The following IFT57 variants were observed in gnomAD, a reference collection of about 807,000 sequenced individuals.
IFT57 encodes the protein intraflagellar transport 57.
Under a neutral mutation model 56.8 loss-of-function variants are expected in IFT57, and 59 were observed. The ratio of observed to expected loss-of-function variants is 1.04; its 90% CI spans 0.84 to 1.29. IFT57 has a LOEUF of 1.29. Ranked by LOEUF, IFT57 falls within the 50% of genes most tolerant of loss-of-function variation. The pLI is 0.00. For synonymous variants in IFT57, 209 were observed against 186.1 expected, an observed-to-expected ratio of 1.12 and a Z score of -1.00; for missense variants, 470 against 522.1, an observed-to-expected ratio of 0.90 and a Z score of 0.97.
intron 6 of IFT57, among the ~76,000 whole-genome samples, chr3:108,171,474 A>T (rs962794045): frequency 7.2e-5 from 11 of 151,900 alleles, no homozygotes; most frequent in African/African-American, 2.7e-4. Flanking sequence ...TTCATGAGCA[A>T]AAAGTATCGC....
chr3:108,164,302 C>A (rs1179738974), intron 9 of IFT57, among the ~76,000 whole-genome samples: 2 of 152,034 alleles, frequency 1.3e-5, no homozygotes, highest in East Asian at 3.9e-4. Flanking sequence ...TTGTTCCTAT[C>A]TGCACTCTAT....
At chr3:108,210,286 C>A (rs2080336504) in intron 4 of IFT57, among the ~76,000 whole-genome samples, 1 of 148,314 alleles carries the variant, frequency 6.7e-6, no homozygotes, top group African/African-American at 2.5e-5. Flanking sequence ...TTAAAAGTTT[C>A]TAGTTTCTAG....
At chr3:108,206,414 T>C (rs532163782) in intron 5 of IFT57, among the ~76,000 whole-genome samples, 1 of 152,098 alleles carries the variant, frequency 6.6e-6, no homozygotes, top group Admixed American at 6.5e-5. Flanking sequence ...ATGTCAATTT[T>C]CCATAATACA....
At chr3:108,165,370 GT>G in intron 9 of IFT57, 60 bp downstream of exon 9, 1 of 1,347,546 alleles carries the variant, frequency 7.4e-7, no homozygotes, top group South Asian at 1.2e-5. Context: ...CCATTTGTAG[GT>G]TCTCAATGGC....
intron 5 of IFT57, among the ~76,000 whole-genome samples, chr3:108,198,926 T>C (rs2080261292): frequency 1.3e-5 from 2 of 152,254 alleles, no homozygotes; most frequent in Admixed American, 6.5e-5. Flanking sequence ...TATACTAACA[T>C]TACCACATAT....
chr3:108,206,749 T>C (rs2080316374), intron 4 of IFT57, 53 bp from the exon 5 acceptor site: 3 of 551,948 alleles, frequency 5.4e-6, no homozygotes, highest in Non-Finnish European at 2.7e-6. Context: ...AAAAAATATA[T>C]TTCCAGTTTC....
At chr3:108,221,966 G>A in intron 1 of IFT57, 145 bp downstream of exon 1, 1 of 1,445,848 alleles carries the variant, frequency 6.9e-7, no homozygotes, top group South Asian at 1.4e-5. Context: ...CCGGGAGTTT[G>A]GGGTGAAGTG....
Position 108,222,097 on chromosome 3 carries a change from A to G in IFT57, c.212+14T>C. On this transcript the variant is annotated intron_variant, in intron 1 of 10. Transcript: ENST00000264538. ...CTAGCAGGCACCCGGGCGCTCGGGG[A>G]CGCCGGCACCCACCTGGACGGGGCC... is the stretch of plus-strand genomic sequence containing the variant. 6.3e-7 allele frequency: 1 copy of G among 1,579,170 alleles called. No homozygotes were observed. Among genetic ancestry groups the G allele is most frequent in the Non-Finnish European group, 8.6e-7 (1 of 1,163,890 alleles).
rs2080412129 is a variant in IFT57 at position 108,222,405 on chromosome 3, G to C, written c.-83C>G. ...CGCCAGCCCTGCCGCCGCCAGTACA[G>C]CCACGACCGGTTACCAGGCGACCAC... On this transcript the variant is annotated 5_prime_UTR_variant, in exon 1 of 11. Coordinates refer to ENST00000264538, the MANE Select transcript of IFT57 (RefSeq NM_018010.4). The C allele has an allele frequency of 8.1e-7, 1 of 1,230,344 alleles. No individual in the cohort carries two copies. 76.2% of individuals were successfully genotyped at this position (1,230,344 alleles called of 1,614,324 possible). A position where few individuals can be genotyped will look rare whatever the true frequency, so the allele number is the denominator to read the frequency against.
At chr3:108,178,849 C>T (rs2080137602) in intron 6 of IFT57, among the ~76,000 whole-genome samples, 2 of 151,972 alleles carry the variant, frequency 1.3e-5, no homozygotes, top group South Asian at 2.1e-4. Flanking sequence ...TACAGCTGAT[C>T]ACATACTTAC....
chr3:108,165,497 A>G lies in IFT57; in HGVS notation c.982-4T>C. 1.2e-6 allele frequency: 2 copies of G among 1,611,740 alleles called. No homozygotes were observed. The highest frequency in any genetic ancestry group is 1.1e-5 in the South Asian group (1 of 91,048). ...CCTGCTGGTATCGCTCCTTTGCCTG[A>G]GAGGAAAAACATTTTGTTTAATGGC... On this transcript the variant is annotated splice_polypyrimidine_tract_variant and splice_region_variant and intron_variant, in intron 8 of 10. Transcript: ENST00000264538.
chr3:108,191,664 C>T (rs1326868047), intron 5 of IFT57, 21 bp from the exon 6 acceptor site: 1 of 1,582,844 alleles, frequency 6.3e-7, no homozygotes, highest in Non-Finnish European at 8.6e-7. Context: ...AAAGATATCA[C>T]AAGATTGAGA....
intron 5 of IFT57, among the ~76,000 whole-genome samples, chr3:108,199,340 TA>T (rs1485033718): frequency 6.6e-6 from 1 of 152,218 alleles, no homozygotes; most frequent in African/African-American, 2.4e-5. Flanking sequence ...TTTAATGCAA[TA>T]ATGAGTTTTA....
intron 5 of IFT57, among the ~76,000 whole-genome samples, chr3:108,192,906 GT>G (rs1399023649): frequency 8.4e-6 from 1 of 118,778 alleles, no homozygotes; most frequent in Non-Finnish European, 1.9e-5. Flanking sequence ...TTGACAAAAT[GT>G]CTGAATTTTA....
intron 5 of IFT57, among the ~76,000 whole-genome samples, chr3:108,199,120 T>A (rs1177617821): frequency 1.3e-5 from 2 of 152,184 alleles, no homozygotes; most frequent in Non-Finnish European, 2.9e-5. Context: ...AATGTTTCTA[T>A]CTGAATGCTG....
intron 1 of IFT57, 138 bp downstream of exon 1, chr3:108,221,973 A>G (rs1441404099): frequency 6.9e-7 from 1 of 1,459,678 alleles, no homozygotes; most frequent in Non-Finnish European, 9.1e-7. Context: ...TTTGGGGTGA[A>G]GTGCCCTTCC....
intron 6 of IFT57, among the ~76,000 whole-genome samples, chr3:108,176,279 C>T (rs1214886951): frequency 6.6e-6 from 1 of 151,816 alleles, no homozygotes; most frequent in Non-Finnish European, 1.5e-5. Flanking sequence ...TTCATTTTCT[C>T]TAGAGATTTT....
chr3:108,174,311 T>C (rs542756272), intron 6 of IFT57, among the ~76,000 whole-genome samples: 2 of 149,056 alleles, frequency 1.3e-5, no homozygotes, highest in East Asian at 2.0e-4. Flanking sequence ...ATAACTGCGA[T>C]AGTTAAAAGC....
chr3:108,174,912 C>T (rs2080115688), intron 6 of IFT57, among the ~76,000 whole-genome samples: 1 of 151,748 alleles, frequency 6.6e-6, no homozygotes, highest in Non-Finnish European at 1.5e-5. Flanking sequence ...TTGCAAGCCA[C>T]TGTGATTTGG....
Sources: allele counts gnomAD v4.1 joint callset (sites outside exome capture counted in the v4.1 genomes callset), GRCh38; gene constraint gnomAD v4.1.1; transcripts MANE v1.5; gene names NCBI Gene and HGNC (gene_info 2026-07-23, HGNC 2026-07-21).